EPAS1: variants seen among roughly 807,000 people sequenced by gnomAD.
The protein encoded by EPAS1 is endothelial PAS domain protein 1.
A neutral mutation model predicts 87.9 loss-of-function variants in EPAS1; 23 were observed. The ratio of observed to expected loss-of-function variants is 0.26; its 90% CI spans 0.19 to 0.37. The LOEUF (loss-of-function observed/expected upper bound fraction) is 0.37, where lower values mean the gene tolerates loss of function less well. Ranked by LOEUF, EPAS1 falls within the 10% of genes least tolerant of loss-of-function variation. The pLI is 1.00. For synonymous variants in EPAS1, 508 were observed against 444.3 expected (o/e 1.14, Z -1.80); for missense variants, 1,138 against 1,120.7 (o/e 1.02, Z -0.22).
chr2:46,356,631 C>G (rs1458484239), intron 3 of EPAS1, 93 bp from the exon 4 acceptor site: 1 of 1,011,094 alleles, frequency 9.9e-7, no homozygotes, highest in East Asian at 2.4e-5. Context: ...AGTCTCCTCC[C>G]TGCCTCCAAA....
At chr2:46,373,732 G>A (rs1414685314) in intron 7 of EPAS1, among the ~76,000 whole-genome samples, 1 of 152,162 alleles carries the variant, frequency 6.6e-6, no homozygotes, top group African/African-American at 2.4e-5. Context: ...TTGTTGAACT[G>A]TATACTTCAA....
Position 46,375,589 on chromosome 2 carries a change from T to A in EPAS1, c.887-101T>A, listed in dbSNP as rs1684727509. 1.4e-6 allele frequency: 2 copies of A among 1,450,074 alleles called. No homozygotes were observed. Among genetic ancestry groups the A allele is most frequent in the East Asian group, 4.9e-5 (2 of 40,414 alleles). 89.8% of individuals were successfully genotyped at this position (1,450,074 alleles called of 1,614,324 possible). On this transcript the variant is annotated intron_variant, in intron 7 of 15. Coordinates refer to ENST00000263734, the MANE Select transcript of EPAS1 (RefSeq NM_001430.5). The surrounding 1 kb of genome is among the most constrained non-coding windows in gnomAD (Gnocchi z 4.1). The stretch of plus-strand genomic sequence containing the variant: ...CTGTCGTGGCGCCCTGTTCTGTCTG[T>A]TCCCCTGCAGATTAGACTGCCCTCC...
Position 46,297,782 on chromosome 2 carries a change from C to A in EPAS1, c.-130C>A, listed in dbSNP as rs1682910069. The A allele has an allele frequency of 1.5e-6, 2 of 1,307,482 alleles. No homozygotes were observed. The highest frequency in any genetic ancestry group is 2.1e-6 in the Non-Finnish European group (2 of 934,158). The allele number at this position is 1,307,482 out of a possible 1,614,324, so 81.0% of individuals were successfully genotyped here. ...CTTCCACCTGACTGCGCGGGGCGCT[C>A]GGGACCTGCGCGCACCTCGGACCTT... is the stretch of plus-strand genomic sequence containing the variant. On this transcript the variant is annotated 5_prime_UTR_variant, in exon 1 of 16. Transcript: ENST00000263734.
intron 1 of EPAS1, among the ~76,000 whole-genome samples, chr2:46,329,410 G>C (rs1296630767): frequency 6.6e-6 from 1 of 152,214 alleles, no homozygotes; most frequent in African/African-American, 2.4e-5. Context: ...AGATGGTCAA[G>C]GGAAGCTGGC....
chr2:46,381,083 T>G, intron 12 of EPAS1: 1 of 362,366 alleles, frequency 2.8e-6, no homozygotes, highest in Non-Finnish European at 5.2e-6. Context: ...TACCCCTGCC[T>G]CCCCTTGCCT....
chr2:46,376,834 C>G (rs1684762512), intron 9 of EPAS1, 81 bp downstream of exon 9: 8 of 1,462,190 alleles, frequency 5.5e-6, no homozygotes, highest in Admixed American at 1.7e-5. Context: ...GCCTCCCTGG[C>G]TGCAGCTTTT....
In EPAS1 at chr2:46,377,960, C is replaced by A. The variant is rs749115941; in HGVS notation, c.1316C>A (p.Ala439Asp). The change falls in exon 10 of 16, where the codon GCC (alanine) becomes GAC (aspartate). Residue 439 changes from alanine to aspartate, a missense_variant. Transcript: ENST00000263734. ...KAILPPSQPWATELRSHSTQS... is the reference protein window; with the variant it reads ...KAILPPSQPWDTELRSHSTQS... ...ATCCTGCCCCCGAGCCAGCCATGGG[C>A]CACGGAGTTGAGGAGCCACAGCACC... 6.4e-7 allele frequency: 1 copy of A among 1,563,796 alleles called. No homozygotes were observed. Among genetic ancestry groups the A allele is most frequent in the African/African-American group, 1.4e-5 (1 of 73,560 alleles).
intron 2 of EPAS1, among the ~76,000 whole-genome samples, chr2:46,353,284 C>T (rs533773246): frequency 2.2e-4 from 33 of 152,282 alleles, no homozygotes; most frequent in African/African-American, 7.7e-4. Context: ...AGCATGTGGT[C>T]CTATGAGTAG....
intron 1 of EPAS1, among the ~76,000 whole-genome samples, chr2:46,334,657 C>T (rs1361801953): frequency 1.3e-5 from 2 of 152,200 alleles, no homozygotes; most frequent in Non-Finnish European, 1.5e-5. Context: ...ACATTTCATT[C>T]TACTGCTCAC....
intron 1 of EPAS1, among the ~76,000 whole-genome samples, chr2:46,303,797 A>G (rs1045894523): frequency 6.6e-6 from 1 of 152,168 alleles, no homozygotes; most frequent in African/African-American, 2.4e-5. Flanking sequence ...TGACTGTCTT[A>G]TGTTTCAGAG....
intron 3 of EPAS1, 134 bp downstream of exon 3, chr2:46,356,436 C>T: frequency 1.7e-6 from 2 of 1,170,146 alleles, no homozygotes; most frequent in Non-Finnish European, 2.5e-6. Flanking sequence ...TGACCTCAGG[C>T]CACACGCCTC....
chr2:46,338,894 G>A (rs1001291210), intron 1 of EPAS1, among the ~76,000 whole-genome samples: 1 of 142,372 alleles, frequency 7.0e-6, no homozygotes, highest in African/African-American at 2.6e-5. Flanking sequence ...GGATGCCAGT[G>A]TAGCCAAATC....
chr2:46,361,146 T>G (rs776732078), intron 6 of EPAS1, 56 bp downstream of exon 6: 106 of 1,568,598 alleles, frequency 6.8e-5, no homozygotes, highest in Middle Eastern at 1.7e-4. Context: ...CCTGTGTGTG[T>G]GGGGAGTTGT....
intron 4 of EPAS1, among the ~76,000 whole-genome samples, chr2:46,358,499 T>C (rs1300755402): frequency 6.6e-6 from 1 of 152,220 alleles, no homozygotes; most frequent in African/African-American, 2.4e-5. Flanking sequence ...CTTTGGCCTT[T>C]GGGTTCTTAG....
chr2:46,378,510 G>T, intron 10 of EPAS1, 147 bp from the exon 11 acceptor site: 1 of 726,678 alleles, frequency 1.4e-6, no homozygotes. Flanking sequence ...CATACAGCTT[G>T]TTAATTAGCA....
At chr2:46,367,578 C>G (rs1005793943) in intron 6 of EPAS1, among the ~76,000 whole-genome samples, 1 of 152,256 alleles carries the variant, frequency 6.6e-6, no homozygotes, top group South Asian at 2.1e-4. Flanking sequence ...GCCCCAGGGT[C>G]AGGTTGCCAG....
intron 14 of EPAS1, 104 bp downstream of exon 14, chr2:46,382,193 T>G (rs1684914303): frequency 8.5e-7 from 1 of 1,174,454 alleles, no homozygotes; most frequent in Non-Finnish European, 1.2e-6. Flanking sequence ...CGTACCTGCC[T>G]CTCTGAGCCT....
intron 1 of EPAS1, among the ~76,000 whole-genome samples, chr2:46,304,103 G>A (rs1311832906): frequency 2.0e-5 from 3 of 152,200 alleles, no homozygotes. Context: ...TCCTCAAACA[G>A]TTATTTGGAT....
At chr2:46,383,496 T>C (rs898638477) in intron 15 of EPAS1, among the ~76,000 whole-genome samples, 65 of 152,148 alleles carry the variant, frequency 4.3e-4, no homozygotes, top group African/African-American at 1.6e-3. Context: ...GCAATAGAGT[T>C]TGGGGAAGGT....
Sources: allele counts gnomAD v4.1 joint callset (sites outside exome capture counted in the v4.1 genomes callset), GRCh38; gene constraint gnomAD v4.1.1; non-coding constraint Gnocchi (gnomAD v3.1); transcripts MANE v1.5; gene names NCBI Gene and HGNC (gene_info 2026-07-23, HGNC 2026-07-21).